Variants in CSMD1 observed in about 807,000 individuals in gnomAD.
CSMD1 encodes the protein CUB and Sushi multiple domains 1.
CSMD1 carries 213 observed loss-of-function variants against 417.5 expected under a neutral mutation model. That is an observed-to-expected ratio of 0.51 (90% CI 0.46 to 0.57). The LOEUF (loss-of-function observed/expected upper bound fraction) is 0.57, where lower values mean the gene tolerates loss of function less well. Ranked by LOEUF, CSMD1 falls within the 20% of genes least tolerant of loss-of-function variation. The pLI, the probability that CSMD1 is intolerant of heterozygous loss-of-function variation, is 0.00. For synonymous variants in CSMD1, 2,862 were observed against 1,736.8 expected (o/e 1.65, Z -16.11); for missense variants, 6,923 against 4,529.7 (o/e 1.53, Z -15.17).
At position 3,610,120 on chromosome 8, in the gene CSMD1, G is replaced by C. The variant is rs558241377; in HGVS notation, c.1097+6590C>G. On this transcript the variant is annotated intron_variant, in intron 8 of 69. Coordinates refer to ENST00000635120, the MANE Select transcript of CSMD1 (RefSeq NM_033225.6). ...TTGTAATGAACTGATTATATGAGAG[G>C]CCCACCATGTGTCATTTCATCTAAG... Among the ~76,000 whole-genome samples the C allele has an allele frequency of 1.4e-4, 21 of 152,032 alleles. No homozygotes were observed. The South Asian group carries it at 4.4e-3, about 32-fold the overall frequency.
intron 8 of CSMD1, among the ~76,000 whole-genome samples, chr8:3,591,974 GAT>G (rs1260241577): frequency 6.6e-6 from 1 of 152,094 alleles, no homozygotes; most frequent in Non-Finnish European, 1.5e-5. Flanking sequence ...TGGATGGAAA[GAT>G]AGATTGATAG....
chr8:3,150,343 C>G (rs1819117973), intron 40 of CSMD1, among the ~76,000 whole-genome samples: 1 of 152,212 alleles, frequency 6.6e-6, no homozygotes, highest in East Asian at 1.9e-4. Context: ...CACAGTCCTC[C>G]TCTTTTCTTG....
chr8:3,969,122 A>G (rs939812235), intron 5 of CSMD1, among the ~76,000 whole-genome samples: 17 of 152,096 alleles, frequency 1.1e-4, no homozygotes, highest in African/African-American at 4.1e-4. Flanking sequence ...TTGGTGGCAT[A>G]TGCCTGTAAT....
chr8:4,290,731 A>G (rs2128866986), intron 3 of CSMD1, among the ~76,000 whole-genome samples: 1 of 152,350 alleles, frequency 6.6e-6, no homozygotes, highest in Non-Finnish European at 1.5e-5. Flanking sequence ...CATTAACTTT[A>G]TCTCCCTATC....
At chr8:3,558,256 C>T (rs1216864543) in intron 10 of CSMD1, among the ~76,000 whole-genome samples, 1 of 150,486 alleles carries the variant, frequency 6.6e-6, no homozygotes, top group Non-Finnish European at 1.5e-5. Context: ...CAATAGTACC[C>T]TGTGTCCACT....
rs1025691296 is a variant in CSMD1 at position 4,682,721 on chromosome 8, T to G, written c.86-45163A>C. Reference sequence around the variant, plus strand: ...AAATGATACTCTAATTCTATATTATTTGTCCAATATTACGTTGCTGTCTTA... The same window carrying G: ...AAATGATACTCTAATTCTATATTATGTGTCCAATATTACGTTGCTGTCTTA... On this transcript the variant is annotated intron_variant, in intron 1 of 69. Transcript: ENST00000635120. Among the ~76,000 whole-genome samples the G allele has an allele frequency of 1.8e-4, 27 of 151,744 alleles. No homozygotes were observed. The East Asian group carries it at 3.1e-3, about 17-fold the overall frequency.
At chr8:4,038,494 T>C (rs1039280045) in intron 3 of CSMD1, among the ~76,000 whole-genome samples, 3 of 152,190 alleles carry the variant, frequency 2.0e-5, no homozygotes, top group Admixed American at 6.5e-5. Context: ...AAGCAAATTA[T>C]TTCAACCCAA....
intron 17 of CSMD1, among the ~76,000 whole-genome samples, chr8:3,392,005 G>C (rs906953898): frequency 6.7e-6 from 1 of 149,298 alleles, no homozygotes; most frequent in East Asian, 2.0e-4. Context: ...CTATCACAAA[G>C]ACAAAAAACC....
intron 3 of CSMD1, among the ~76,000 whole-genome samples, chr8:4,401,551 A>T (rs567041912): frequency 1.3e-5 from 2 of 152,198 alleles, no homozygotes; most frequent in East Asian, 3.9e-4. Context: ...CCCCTGTCTG[A>T]TGTTTGCTTT....
At chr8:4,961,247 T>G (rs1346995065) in intron 1 of CSMD1, among the ~76,000 whole-genome samples, 1 of 152,202 alleles carries the variant, frequency 6.6e-6, no homozygotes, top group Non-Finnish European at 1.5e-5. Flanking sequence ...TGCAGTTATA[T>G]AAAATCCTCA....
At chr8:3,378,825 G>C (rs1810467996) in intron 18 of CSMD1, among the ~76,000 whole-genome samples, 1 of 152,122 alleles carries the variant, frequency 6.6e-6, no homozygotes, top group Non-Finnish European at 1.5e-5. Context: ...CATTCCCTTT[G>C]AAAACTGGCA....
chr8:3,829,701 G>C (rs925527249), intron 5 of CSMD1, among the ~76,000 whole-genome samples: 6 of 152,110 alleles, frequency 3.9e-5, no homozygotes, highest in Non-Finnish European at 8.8e-5. Context: ...GAAATATTTG[G>C]TTGAAAATCA....
chr8:4,985,230 G>C (rs1196031650), intron 1 of CSMD1, among the ~76,000 whole-genome samples: 1 of 152,110 alleles, frequency 6.6e-6, no homozygotes, highest in Non-Finnish European at 1.5e-5. Flanking sequence ...GGTGGGAGGA[G>C]GGAGAGGATT....
At chr8:3,298,754 A>G (rs552777929) in intron 25 of CSMD1, among the ~76,000 whole-genome samples, 9 of 152,062 alleles carry the variant, frequency 5.9e-5, no homozygotes, top group South Asian at 4.2e-4. Flanking sequence ...GTGCCCGACA[A>G]TTATCTTTTA....
intron 3 of CSMD1, among the ~76,000 whole-genome samples, chr8:4,338,628 C>T (rs563381379): frequency 2.0e-5 from 3 of 152,164 alleles, no homozygotes; most frequent in Admixed American, 6.6e-5. Flanking sequence ...AAATTAGGTC[C>T]ATAAATTTAG....
In CSMD1 at chr8:3,604,950, T is replaced by C. The variant is rs569855892; in HGVS notation, c.1097+11760A>G. Among the ~76,000 whole-genome samples the C allele has an allele frequency of 3.3e-5, 5 of 152,326 alleles. No homozygotes were observed. The East Asian group carries it at 9.6e-4, about 29-fold the overall frequency. On this transcript the variant is annotated intron_variant, in intron 8 of 69. Coordinates refer to ENST00000635120, the MANE Select transcript of CSMD1 (RefSeq NM_033225.6). The stretch of plus-strand genomic sequence containing the variant: ...TAAAATTTATAATGTGCCTTTGGTT[T>C]CCCTCATTTCTTCATCATTTAAAAA...
intron 3 of CSMD1, among the ~76,000 whole-genome samples, chr8:4,041,289 T>A (rs1271859459): frequency 2.2e-5 from 3 of 138,328 alleles, no homozygotes; most frequent in Non-Finnish European, 4.8e-5. Flanking sequence ...AGTACGGGGA[T>A]TACATGCGTG....
chr8:4,969,827 T>C (rs1339794960), intron 1 of CSMD1, among the ~76,000 whole-genome samples: 1 of 152,066 alleles, frequency 6.6e-6, no homozygotes, highest in Non-Finnish European at 1.5e-5. Context: ...TCTCAGGCAG[T>C]AGTGAATTTT....
At chr8:4,267,749 C>A (rs997281526) in intron 3 of CSMD1, among the ~76,000 whole-genome samples, 2 of 152,052 alleles carry the variant, frequency 1.3e-5, no homozygotes, top group Non-Finnish European at 1.5e-5. Flanking sequence ...TTGTAAGGTG[C>A]CACTCTTAGC....
Sources: allele counts gnomAD v4.1 joint callset (sites outside exome capture counted in the v4.1 genomes callset), GRCh38; gene constraint gnomAD v4.1.1; transcripts MANE v1.5; gene names NCBI Gene and HGNC (gene_info 2026-07-23, HGNC 2026-07-21).